The following RUNDC3B variants were observed in gnomAD, a reference collection of about 807,000 sequenced individuals.
RUNDC3B encodes RUN domain-containing protein 3B.
Under a neutral mutation model 58.4 loss-of-function variants are expected in RUNDC3B, and 33 were observed. The ratio of observed to expected loss-of-function variants is 0.56; its 90% CI spans 0.43 to 0.75. The LOEUF (loss-of-function observed/expected upper bound fraction) is 0.75, where lower values mean the gene tolerates loss of function less well. RUNDC3B is among the 30% of genes least tolerant of loss of function. RUNDC3B has a pLI of 0.00. For missense variants in RUNDC3B, 501 were observed against 535.7 expected (o/e 0.94, Z 0.64); for synonymous variants, 193 against 195.2 (o/e 0.99, Z 0.10).
chr7:87,676,855 A>G (rs1308499461), intron 2 of RUNDC3B, among the ~76,000 whole-genome samples: 2 of 152,182 alleles, frequency 1.3e-5, no homozygotes, highest in African/African-American at 4.8e-5. Flanking sequence ...CAGATGGCCA[A>G]CTGATATATG....
intron 4 of RUNDC3B, among the ~76,000 whole-genome samples, chr7:87,717,418 T>C (rs930040584): frequency 6.6e-6 from 1 of 152,060 alleles, no homozygotes; most frequent in Non-Finnish European, 1.5e-5. Flanking sequence ...ACATAATTAC[T>C]AAATAAAAAT....
intron 2 of RUNDC3B, among the ~76,000 whole-genome samples, chr7:87,652,803 TCTTCA>T (rs1363711210): frequency 3.3e-5 from 5 of 151,900 alleles, no homozygotes; most frequent in African/African-American, 9.7e-5. Flanking sequence ...GATAGTACAC[TCTTCA>T]CTTATGATTT....
chr7:87,749,052 A>G (rs1437027297), intron 6 of RUNDC3B, among the ~76,000 whole-genome samples: 1 of 152,234 alleles, frequency 6.6e-6, no homozygotes, highest in Non-Finnish European at 1.5e-5. Flanking sequence ...CCTTAGTCAC[A>G]CAACTAGTTT....
Position 87,672,766 on chromosome 7 carries a change from A to G in RUNDC3B, c.238+21829A>G, listed in dbSNP as rs528523476. Among the ~76,000 whole-genome samples the G allele has an allele frequency of 6.6e-5, 10 of 152,240 alleles. No individual in the cohort carries two copies. In the East Asian group the frequency reaches 1.9e-3, roughly 30 times the overall value. On this transcript the variant is annotated intron_variant, in intron 2 of 10. Coordinates refer to ENST00000394654, the MANE Select transcript of RUNDC3B (RefSeq NM_001134405.2). ...TTCATGGGAGAAGTGTGGTTTCCTG[A>G]GGTCACACATTGACTCACTGCTTCC...
chr7:87,628,773 G>C lies in RUNDC3B; in HGVS notation c.-51G>C. The C allele has an allele frequency of 8.9e-7, 1 of 1,123,792 alleles. No homozygotes were observed. The highest frequency in any genetic ancestry group is 4.5e-5 in the South Asian group (1 of 22,056). 69.6% of individuals were successfully genotyped at this position (1,123,792 alleles called of 1,614,324 possible). ...GCGAGAACCCCCTTAAGCAGGTGTG[G>C]GGGGCGTGCGGGGTGGCACGAGACA... On this transcript the variant is annotated 5_prime_UTR_variant, in exon 1 of 11. Coordinates refer to ENST00000394654, the MANE Select transcript of RUNDC3B (RefSeq NM_001134405.2).
intron 1 of RUNDC3B, among the ~76,000 whole-genome samples, chr7:87,636,963 A>G (rs1821835208): frequency 6.6e-6 from 1 of 152,214 alleles, no homozygotes; most frequent in African/African-American, 2.4e-5. Context: ...TTCACAAAGT[A>G]GCAGGAGAGA....
intron 3 of RUNDC3B, among the ~76,000 whole-genome samples, chr7:87,705,179 C>T (rs76187310): frequency 6.6e-6 from 1 of 152,168 alleles, no homozygotes; most frequent in South Asian, 2.1e-4. Context: ...AATCCCAACA[C>T]TTTGGGAGGC....
chr7:87,712,271 T>C (rs1335093352), intron 4 of RUNDC3B, among the ~76,000 whole-genome samples: 2 of 152,078 alleles, frequency 1.3e-5, no homozygotes, highest in Non-Finnish European at 2.9e-5. Context: ...TTTCTAAAGA[T>C]AAACAGTGAG....
At chr7:87,639,041 A>G (rs1189142257) in intron 1 of RUNDC3B, among the ~76,000 whole-genome samples, 1 of 150,912 alleles carries the variant, frequency 6.6e-6, no homozygotes, top group Non-Finnish European at 1.5e-5. Context: ...AGTCCCAGCT[A>G]CTCCGGAGGC....
intron 6 of RUNDC3B, among the ~76,000 whole-genome samples, chr7:87,753,253 T>C (rs1833135221): frequency 6.6e-6 from 1 of 151,436 alleles, no homozygotes; most frequent in East Asian, 1.9e-4. Flanking sequence ...TTGTTATAAT[T>C]TCTGTTCTTT....
chr7:87,779,517 A>G (rs1252768429), intron 8 of RUNDC3B, among the ~76,000 whole-genome samples: 1 of 152,088 alleles, frequency 6.6e-6, no homozygotes, highest in African/African-American at 2.4e-5. Flanking sequence ...TTTATTAATG[A>G]TACTAATTTT....
At chr7:87,700,712 C>G in intron 3 of RUNDC3B, 158 bp downstream of exon 3, 1 of 639,984 alleles carries the variant, frequency 1.6e-6, no homozygotes, top group Admixed American at 3.3e-5. Flanking sequence ...CTTGAATTAT[C>G]TAAACTAGTG....
At chr7:87,771,379 A>G (rs1834272384) in intron 7 of RUNDC3B, among the ~76,000 whole-genome samples, 2 of 152,122 alleles carry the variant, frequency 1.3e-5, no homozygotes, top group South Asian at 4.1e-4. Context: ...ATCTATACAG[A>G]TAGCTATTGC....
intron 2 of RUNDC3B, among the ~76,000 whole-genome samples, chr7:87,666,988 A>G (rs1239057512): frequency 6.6e-6 from 1 of 152,116 alleles, no homozygotes; most frequent in Non-Finnish European, 1.5e-5. Flanking sequence ...TTTTGGTTCA[A>G]TATGAATTTT....
chr7:87,799,245 T>G (rs911111647), intron 8 of RUNDC3B, among the ~76,000 whole-genome samples: 1 of 152,178 alleles, frequency 6.6e-6, no homozygotes, highest in Non-Finnish European at 1.5e-5. Context: ...TTCCTACCCT[T>G]ATAGAGTTTA....
chr7:87,766,527 T>G (rs1833987653), intron 6 of RUNDC3B, among the ~76,000 whole-genome samples: 1 of 152,176 alleles, frequency 6.6e-6, no homozygotes, highest in Non-Finnish European at 1.5e-5. Flanking sequence ...TATATAAAAT[T>G]CTTGGCTAGT....
chr7:87,680,228 A>G (rs1160698361), intron 2 of RUNDC3B, among the ~76,000 whole-genome samples: 3 of 150,516 alleles, frequency 2.0e-5, no homozygotes, highest in Non-Finnish European at 4.4e-5. Flanking sequence ...GTGGCTGCGT[A>G]GTATTCCATG....
chr7:87,828,141 A>T (rs890213557), intron 10 of RUNDC3B, among the ~76,000 whole-genome samples: 1 of 152,202 alleles, frequency 6.6e-6, no homozygotes, highest in Non-Finnish European at 1.5e-5. Context: ...ACTTGTGGGT[A>T]ACAGGGAAAT....
At chr7:87,709,729 C>A (rs1829900625) in intron 3 of RUNDC3B, among the ~76,000 whole-genome samples, 1 of 151,992 alleles carries the variant, frequency 6.6e-6, no homozygotes, top group Non-Finnish European at 1.5e-5. Context: ...ATTAGTGTCA[C>A]CTTTATACTG....
Sources: allele counts gnomAD v4.1 joint callset (sites outside exome capture counted in the v4.1 genomes callset), GRCh38; gene constraint gnomAD v4.1.1; transcripts MANE v1.5; gene names NCBI Gene and HGNC (gene_info 2026-07-23, HGNC 2026-07-21).